ZNF676: variants seen among roughly 807,000 people sequenced by gnomAD.
ZNF676 encodes zinc finger protein 676.
A neutral mutation model predicts 6.0 loss-of-function variants in ZNF676; 4 were observed. The observed-to-expected ratio is 0.67, with a 90% CI of 0.33 to 1.53. The LOEUF (loss-of-function observed/expected upper bound fraction) is 1.53. ZNF676 is among the 40% of genes most tolerant of loss of function. The pLI, the probability that ZNF676 is intolerant of heterozygous loss-of-function variation, is 0.06. For missense variants in ZNF676, 644 were observed against 679.7 expected (o/e 0.95, Z 0.58); for synonymous variants, 198 against 223.1 (o/e 0.89, Z 1.00).
At chr19:22,219,972 A>G (rs2024231362), upstream of ZNF676, among the ~76,000 whole-genome samples, 1 of 152,112 alleles carries the variant, frequency 6.6e-6, no homozygotes, top group Non-Finnish European at 1.5e-5. Context: ...GATGGTTTTT[A>G]TGACCTTACA....
At chr19:22,216,814 T>C (rs979335720), upstream of ZNF676, among the ~76,000 whole-genome samples, 29 of 151,394 alleles carry the variant, frequency 1.9e-4, no homozygotes, top group African/African-American at 6.1e-4. Flanking sequence ...CCTCACCCTG[T>C]AGTACCAGCT....
At chr19:22,242,899 T>C in the ZNF676 span, among the ~76,000 whole-genome samples, 2 of 151,684 alleles carry the variant, frequency 1.3e-5, no homozygotes, top group South Asian at 4.2e-4. Flanking sequence ...AGCTAAACAA[T>C]GCATCACAGT....
At chr19:22,184,669 C>T (rs2023807854) in intron 2 of ZNF676, among the ~76,000 whole-genome samples, 1 of 151,674 alleles carries the variant, frequency 6.6e-6, no homozygotes, top group African/African-American at 2.4e-5. Flanking sequence ...CTGGGAAGCT[C>T]GAGCTTGGTG....
the ZNF676 span, among the ~76,000 whole-genome samples, chr19:22,222,699 C>T: frequency 0.38 from 57,622 of 151,958 alleles, 11,173 homozygotes; most frequent in African/African-American, 0.42. Context: ...TTATAGGATG[C>T]CCTCTTTATT....
chr19:22,246,239 T>A, the ZNF676 span, among the ~76,000 whole-genome samples: 1 of 152,154 alleles, frequency 6.6e-6, no homozygotes, highest in Non-Finnish European at 1.5e-5. Flanking sequence ...TCTCATCAAC[T>A]AGGTTTTAGA....
the ZNF676 span, among the ~76,000 whole-genome samples, chr19:22,234,255 CTTTTCT>C: frequency 6.6e-6 from 1 of 152,194 alleles, no homozygotes; most frequent in Non-Finnish European, 1.5e-5. Context: ...AGGCCATAGT[CTTTTCT>C]TCCTCTGTCA....
chr19:22,205,692 T>C (rs541205676), intron 1 of ZNF676, among the ~76,000 whole-genome samples: 66 of 152,208 alleles, frequency 4.3e-4, no homozygotes, highest in African/African-American at 1.6e-3. Flanking sequence ...CATTAAATCC[T>C]CAGATCAAAA....
At position 22,181,190 on chromosome 19, in the gene ZNF676, T is replaced by C; in HGVS notation, c.527A>G (p.Lys176Arg). ...ENSYKCEENG[K>R]AFNWSSTLTY... ...AAGGGTTGAGGACCAGTTAAAAGCT[T>C]TGCCATTTTCTTCACATTTGTAGGA... The change falls in exon 3 of 3, where the codon AAA becomes AGA. Residue 176 changes from lysine (K) to arginine (R), a missense_variant. This residue lies in a region of ZNF676 where 280 missense variants were observed against 269.3 expected (regional missense o/e 1.04). Transcript: ENST00000397121. The C allele has an allele frequency of 6.2e-7, 1 of 1,613,982 alleles. No homozygotes were observed. The highest frequency in any genetic ancestry group is 8.5e-7 in the Non-Finnish European group (1 of 1,179,934).
At chr19:22,205,632 C>T (rs1349577692) in intron 1 of ZNF676, among the ~76,000 whole-genome samples, 1 of 152,008 alleles carries the variant, frequency 6.6e-6, no homozygotes, top group African/African-American at 2.4e-5. Context: ...ATACAACACA[C>T]CAGAATCTCT....
chr19:22,223,044 G>C, the ZNF676 span, among the ~76,000 whole-genome samples: 1 of 152,234 alleles, frequency 6.6e-6, no homozygotes, highest in Non-Finnish European at 1.5e-5. Context: ...TAAACTGTAT[G>C]GCTACAAATG....
rs1488495833 is a variant in ZNF676 at position 22,196,660 on chromosome 19, T to C, written c.-27A>G. 6 of 1,613,720 alleles carry C rather than the reference T, an allele frequency of 3.7e-6. No individual in the cohort carries two copies. The highest frequency in any genetic ancestry group is 1.7e-5 in the Admixed American group (1 of 59,992). ...ACATTCCTATATAAATTCTGCTGTG[T>C]AGAATCCAGGCATTGCCACTCCTCC... On this transcript the variant is annotated 5_prime_UTR_variant, in exon 1 of 3. Transcript: ENST00000397121.
At chr19:22,258,357 T>C in the ZNF676 span, among the ~76,000 whole-genome samples, 2 of 152,094 alleles carry the variant, frequency 1.3e-5, no homozygotes, top group African/African-American at 4.8e-5. Flanking sequence ...TTCAGCAGTA[T>C]TTCACAATGT....
At chr19:22,233,163 T>A in the ZNF676 span, among the ~76,000 whole-genome samples, 2 of 152,134 alleles carry the variant, frequency 1.3e-5, no homozygotes, top group African/African-American at 4.8e-5. Context: ...ATTTACATGC[T>A]CATAATAATT....
At chr19:22,188,135 C>A (rs1311003738) in intron 2 of ZNF676, among the ~76,000 whole-genome samples, 2 of 152,090 alleles carry the variant, frequency 1.3e-5, no homozygotes, top group East Asian at 1.9e-4. Context: ...TAAACCGAAT[C>A]CAGCAGCACA....
chr19:22,239,529 C>A, the ZNF676 span, among the ~76,000 whole-genome samples: 1 of 152,026 alleles, frequency 6.6e-6, no homozygotes, highest in African/African-American at 2.4e-5. Flanking sequence ...CACCAGTGGG[C>A]TCTGTTTATA....
chr19:22,180,352 G>A lies in ZNF676; in HGVS notation c.1365C>T (p.Gly455=), dbSNP rs768395764. Residue 455 remains glycine, a synonymous_variant, in exon 3 of 3, where the codon GGC becomes GGT. Transcript: ENST00000397121. ...GEKPYKCEEC[G]KAFTWSSSFT... ...AGCTTGAGGACCAGGTGAAGGCTTTGCCACATTCTTCACATTTGTAGGGTT... is the reference window on the plus strand; with the variant it reads ...AGCTTGAGGACCAGGTGAAGGCTTTACCACATTCTTCACATTTGTAGGGTT... 1 of 1,613,688 alleles carries A rather than the reference G, an allele frequency of 6.2e-7. No individual in the cohort carries two copies. The highest frequency in any genetic ancestry group is 8.5e-7 in the Non-Finnish European group (1 of 1,179,854).
At chr19:22,255,233 CA>C in the ZNF676 span, among the ~76,000 whole-genome samples, 1 of 151,574 alleles carries the variant, frequency 6.6e-6, no homozygotes, top group Admixed American at 6.5e-5. Flanking sequence ...TTTCAACTTT[CA>C]ACTGCCTTTG....
Position 22,195,854 on chromosome 19 carries a change from A to G in ZNF676, c.34+746T>C, listed in dbSNP as rs1350387787. On this transcript the variant is annotated intron_variant, in intron 1 of 2. Coordinates refer to ENST00000397121, the MANE Select transcript of ZNF676 (RefSeq NM_001001411.3). ...CTTTGATACTGGTGAATTACAAAAC[A>G]AAATTCTTGATTTAAATAAGCAAAC... Among the ~76,000 whole-genome samples, 5 of 152,304 alleles carry G rather than the reference A, an allele frequency of 3.3e-5. No homozygotes were observed. In the East Asian group the frequency reaches 9.7e-4, roughly 29 times the overall value.
upstream of ZNF676, among the ~76,000 whole-genome samples, chr19:22,200,072 G>C (rs113912819): frequency 2.8e-3 from 426 of 152,154 alleles, 2 homozygotes; most frequent in African/African-American, 9.9e-3. Context: ...GCAGAGTGTA[G>C]AGCCAATGTA....
Sources: gnomAD v4.1 joint callset for allele counts (sites outside exome capture counted in the v4.1 genomes callset) on GRCh38, gnomAD v4.1.1 for gene constraint, gnomAD v4.1.1 regional missense constraint, MANE v1.5 for transcripts, NCBI Gene and HGNC (gene_info 2026-07-23, HGNC 2026-07-21) for gene names.